GRK5: variants seen among roughly 807,000 people sequenced by gnomAD.
GRK5 encodes the protein g protein-coupled receptor kinase GRK5.
In GRK5, 40 loss-of-function variants were observed where a neutral mutation model predicts 78.4. The ratio of observed to expected loss-of-function variants is 0.51; its 90% CI spans 0.40 to 0.66. The LOEUF is 0.66. Among genes scored for constraint, GRK5 ranks in the 30% least tolerant of loss-of-function variants. The pLI is 0.00. For synonymous variants in GRK5, 289 were observed against 296.8 expected, an observed-to-expected ratio of 0.97 and a Z score of 0.27; for missense variants, 598 against 759.9, an observed-to-expected ratio of 0.79 and a Z score of 2.50.
intron 2 of GRK5, among the ~76,000 whole-genome samples, chr10:119,349,415 A>G (rs1006210849): frequency 6.6e-6 from 1 of 152,230 alleles, no homozygotes; most frequent in Non-Finnish European, 1.5e-5. Flanking sequence ...GCATGGGTTC[A>G]GTTCCTTGCC....
chr10:119,354,746 A>C (rs1037215220), intron 2 of GRK5, among the ~76,000 whole-genome samples: 4 of 152,224 alleles, frequency 2.6e-5, no homozygotes, highest in African/African-American at 9.6e-5. Context: ...TGATCCTTGA[A>C]GAGCACAGGT....
At chr10:119,340,554 A>G (rs1850965991) in intron 2 of GRK5, among the ~76,000 whole-genome samples, 1 of 152,250 alleles carries the variant, frequency 6.6e-6, no homozygotes. Context: ...CACTGTTAAC[A>G]CTTTGGTCTG....
At chr10:119,325,840 A>G (rs923135037) in intron 1 of GRK5, among the ~76,000 whole-genome samples, 2 of 152,210 alleles carry the variant, frequency 1.3e-5, no homozygotes, top group Admixed American at 6.5e-5. Context: ...TGTTCATTAC[A>G]TGTGTTCATT....
chr10:119,332,295 C>T (rs1193849030), intron 2 of GRK5, among the ~76,000 whole-genome samples: 3 of 151,894 alleles, frequency 2.0e-5, no homozygotes, highest in African/African-American at 4.8e-5. Flanking sequence ...TTTGTAGAGA[C>T]GGGATTTTGC....
intron 12 of GRK5, among the ~76,000 whole-genome samples, chr10:119,447,842 C>T (rs150859208): frequency 3.1e-4 from 47 of 152,302 alleles, no homozygotes; most frequent in African/African-American, 1.1e-3. Flanking sequence ...GACAGTGACT[C>T]GACACCCATT....
intron 4 of GRK5, among the ~76,000 whole-genome samples, chr10:119,402,936 T>C (rs987427606): frequency 1.3e-5 from 2 of 152,224 alleles, no homozygotes; most frequent in Non-Finnish European, 2.9e-5. Flanking sequence ...ACTAATTCTT[T>C]TAAAGTACAA....
intron 1 of GRK5, among the ~76,000 whole-genome samples, chr10:119,308,601 C>T (rs964487453): frequency 2.6e-5 from 4 of 152,250 alleles, no homozygotes; most frequent in East Asian, 1.9e-4. Context: ...TTTTTCTTCC[C>T]GGTGACGTTG....
intron 1 of GRK5, among the ~76,000 whole-genome samples, chr10:119,313,031 A>AGTGGTGATG (rs1256468319): frequency 4.9e-4 from 2 of 4,106 alleles, no homozygotes; most frequent in Non-Finnish European, 1.5e-3. Context: ...TGGTAATGGC[A>AGTGGTGATG]GTGGTGATGG....
chr10:119,341,385 C>G (rs1025779832), intron 2 of GRK5, among the ~76,000 whole-genome samples: 1 of 152,246 alleles, frequency 6.6e-6, no homozygotes, highest in African/African-American at 2.4e-5. Flanking sequence ...AGCTTCACCC[C>G]TGCCGCTCAT....
At chr10:119,448,021 G>A (rs1276767945) in intron 12 of GRK5, 102 bp from the exon 13 acceptor site, 21 of 1,364,108 alleles carry the variant, frequency 1.5e-5, no homozygotes, top group South Asian at 3.3e-5. Flanking sequence ...GTGGGGCAGC[G>A]TGTCTTGGGT....
chr10:119,354,303 C>T (rs188699707), intron 2 of GRK5, among the ~76,000 whole-genome samples: 75 of 151,088 alleles, frequency 5.0e-4, no homozygotes, highest in Admixed American at 1.4e-3. Flanking sequence ...GTGTACAGTA[C>T]GATATTATTA....
chr10:119,276,563 G>A (rs1424023072), intron 1 of GRK5, among the ~76,000 whole-genome samples: 4 of 152,128 alleles, frequency 2.6e-5, no homozygotes, highest in South Asian at 4.1e-4. Context: ...ATAAACATAC[G>A]TGTGCATGTG....
In GRK5 at chr10:119,376,627, C is replaced by T. The variant is rs544566793; in HGVS notation, c.149-4188C>T. On this transcript the variant is annotated intron_variant, in intron 2 of 15. Coordinates refer to ENST00000392870, the MANE Select transcript of GRK5 (RefSeq NM_005308.3). ...TTGCCCAGGCTGGAGTACAATGGCA[C>T]GATCTTGGCTCACTGCAACCTCCAC... 4.9e-4 allele frequency among the ~76,000 whole-genome samples: 73 copies of T among 148,050 alleles called. 2 individuals carry two copies. The South Asian group carries it at 0.015, about 31-fold the overall frequency.
intron 1 of GRK5, among the ~76,000 whole-genome samples, chr10:119,313,165 T>C (rs868344945): frequency 2.7e-3 from 398 of 144,748 alleles, no homozygotes; most frequent in Non-Finnish European, 4.1e-3. Flanking sequence ...GTGGTAATGG[T>C]AGTGGTGGTG....
At chr10:119,428,934 G>A (rs899011171) in intron 6 of GRK5, among the ~76,000 whole-genome samples, 2 of 152,220 alleles carry the variant, frequency 1.3e-5, no homozygotes, top group Non-Finnish European at 2.9e-5. Context: ...GGAGTTCTGC[G>A]GAGATGTCAA....
At chr10:119,292,067 C>A (rs1849982482) in intron 1 of GRK5, among the ~76,000 whole-genome samples, 1 of 128,892 alleles carries the variant, frequency 7.8e-6, no homozygotes, top group Non-Finnish European at 1.6e-5. Flanking sequence ...TCCTCTTCCT[C>A]CTTCTCCTCC....
chr10:119,245,995 G>A (rs1489864115), intron 1 of GRK5, among the ~76,000 whole-genome samples: 1 of 141,402 alleles, frequency 7.1e-6, no homozygotes, highest in East Asian at 2.0e-4. Flanking sequence ...CCTCCAGCCT[G>A]GGTGACAGAG....
rs183559299 is a variant in GRK5 at position 119,228,397 on chromosome 10, T to C, written c.52+20428T>C. The stretch of plus-strand genomic sequence containing the variant: ...AACCCGCCCCCCCGCAAAAACGTTA[T>C]GGAGATCTAGTTCGAGACCAGCCTG... On this transcript the variant is annotated intron_variant, in intron 1 of 15. Coordinates refer to ENST00000392870, the MANE Select transcript of GRK5 (RefSeq NM_005308.3). Among the ~76,000 whole-genome samples the C allele has an allele frequency of 2.6e-3, 380 of 145,748 alleles. 5 individuals are homozygous for C. In the South Asian group the frequency reaches 0.029, roughly 11 times the overall value.
intron 2 of GRK5, among the ~76,000 whole-genome samples, chr10:119,338,825 A>G (rs1251620771): frequency 6.6e-6 from 1 of 152,186 alleles, no homozygotes; most frequent in Non-Finnish European, 1.5e-5. Flanking sequence ...ATAAATGTGA[A>G]CCCAGAATAA....
Sources: allele counts gnomAD v4.1 joint callset (sites outside exome capture counted in the v4.1 genomes callset), GRCh38; gene constraint gnomAD v4.1.1; transcripts MANE v1.5; gene names NCBI Gene and HGNC (gene_info 2026-07-23, HGNC 2026-07-21).